The following ZBTB8OS variants were observed in gnomAD, a reference collection of about 807,000 sequenced individuals.
The protein encoded by ZBTB8OS is tRNA-splicing ligase-activating factor archease.
Under a neutral mutation model 29.3 loss-of-function variants are expected in ZBTB8OS, and 16 were observed. The observed-to-expected ratio is 0.55, with a 90% CI of 0.37 to 0.83. The LOEUF (loss-of-function observed/expected upper bound fraction) is 0.83, where lower values mean the gene tolerates loss of function less well. Among genes scored for constraint, ZBTB8OS ranks in the 40% least tolerant of loss-of-function variants. The probability of loss-of-function intolerance (pLI) is 0.00; values close to 1 mark genes in which losing one functional copy is unlikely to be tolerated. For synonymous variants in ZBTB8OS, 70 were observed against 64.6 expected, an observed-to-expected ratio of 1.08 and a Z score of -0.40; for missense variants, 160 against 196.9, an observed-to-expected ratio of 0.81 and a Z score of 1.12.
intron 1 of ZBTB8OS, among the ~76,000 whole-genome samples, chr1:32,645,301 C>G (rs1646750878): frequency 6.6e-6 from 1 of 152,168 alleles, no homozygotes; most frequent in Non-Finnish European, 1.5e-5. Context: ...ATTTCAAGAT[C>G]AGCCTAGGCA....
At chr1:32,638,054 C>T (rs1198354818) in intron 1 of ZBTB8OS, among the ~76,000 whole-genome samples, 1 of 151,818 alleles carries the variant, frequency 6.6e-6, no homozygotes, top group Non-Finnish European at 1.5e-5. Context: ...CCAGGCAGGT[C>T]TCAAACGTCT....
At chr1:32,650,856 G>A (rs1647453438), upstream of ZBTB8OS, 4 of 489,368 alleles carry the variant, frequency 8.2e-6, no homozygotes, top group Non-Finnish European at 1.5e-5. Flanking sequence ...TTGATAACTA[G>A]ACCCGAAGGC....
At chr1:32,629,590 T>A (rs1645381660) in intron 5 of ZBTB8OS, among the ~76,000 whole-genome samples, 1 of 152,264 alleles carries the variant, frequency 6.6e-6, no homozygotes, top group East Asian at 1.9e-4. Flanking sequence ...GATCTGTATA[T>A]AGAAGGCCCT....
chr1:32,646,950 G>A (rs1276578098), intron 1 of ZBTB8OS, among the ~76,000 whole-genome samples: 7 of 136,432 alleles, frequency 5.1e-5, no homozygotes, highest in Admixed American at 4.8e-4. Context: ...GCTGAGGCAA[G>A]AGAATCACTT....
Position 32,650,541 on chromosome 1 carries a change from T to A in ZBTB8OS, c.-12A>T. On this transcript the variant is annotated 5_prime_UTR_variant, in exon 1 of 7. Transcript: ENST00000468695. ...TCTTCCTGCGCCATGACTGCAGGATTAGACACTCTACTTCCGCCCTTCATC... is the reference window on the plus strand; with the variant it reads ...TCTTCCTGCGCCATGACTGCAGGATAAGACACTCTACTTCCGCCCTTCATC... 6.2e-7 allele frequency: 1 copy of A among 1,614,144 alleles called. No individual in the cohort carries two copies. Among genetic ancestry groups the A allele is most frequent in the Non-Finnish European group, 8.5e-7 (1 of 1,180,014 alleles).
At chr1:32,641,617 A>G (rs1412235708) in intron 1 of ZBTB8OS, among the ~76,000 whole-genome samples, 38 of 147,772 alleles carry the variant, frequency 2.6e-4, no homozygotes, top group Admixed American at 1.3e-3. Flanking sequence ...ACATGCCACA[A>G]AAGTACTTTA....
Position 32,650,536 on chromosome 1 carries a change from A to T in ZBTB8OS, c.-7T>A, listed in dbSNP as rs370292778. 7 of 1,614,136 alleles carry T rather than the reference A, an allele frequency of 4.3e-6. No individual in the cohort carries two copies. Among genetic ancestry groups the T allele is most frequent in the Non-Finnish European group, 5.9e-6 (7 of 1,180,022 alleles). ...CTTCCTCTTCCTGCGCCATGACTGC[A>T]GGATTAGACACTCTACTTCCGCCCT... On this transcript the variant is annotated 5_prime_UTR_variant, in exon 1 of 7. Coordinates refer to ENST00000468695, the MANE Select transcript of ZBTB8OS (RefSeq NM_178547.5).
intron 1 of ZBTB8OS, among the ~76,000 whole-genome samples, chr1:32,636,076 C>G (rs899445311): frequency 6.6e-6 from 1 of 152,182 alleles, no homozygotes; most frequent in Admixed American, 6.6e-5. Flanking sequence ...ACCACCCAGA[C>G]TCGTTATCTG....
intron 6 of ZBTB8OS, among the ~76,000 whole-genome samples, chr1:32,625,152 G>A (rs546052633): frequency 4.0e-5 from 6 of 151,784 alleles, no homozygotes; most frequent in Non-Finnish European, 8.8e-5. Context: ...GAACCTGGGA[G>A]GGGGAGGTTG....
chr1:32,625,534 AAAAACAAAACAAAAC>A lies in ZBTB8OS; in HGVS notation c.417+1959_417+1973del, dbSNP rs146908676. On this transcript the variant is annotated intron_variant, in intron 6 of 6. Transcript: ENST00000468695. ...GGGCAATAGCATGAGACTCCGTCTCAAAAACAAAACAAAACAAAACAAAACAAAACAAAACAAAAA... is the reference window on the plus strand; with the variant it reads ...GGGCAATAGCATGAGACTCCGTCTCAAAAACAAAACAAAACAAAACAAAAA... Among the ~76,000 whole-genome samples, 410 of 151,210 alleles carry A rather than the reference AAAAACAAAACAAAAC, an allele frequency of 2.7e-3. 2 individuals are homozygous for A. The highest frequency in any genetic ancestry group is 8.4e-3 in the African/African-American group (345 of 40,970).
At chr1:32,642,958 A>G (rs796077255) in intron 1 of ZBTB8OS, among the ~76,000 whole-genome samples, 96 of 147,332 alleles carry the variant, frequency 6.5e-4, no homozygotes, top group African/African-American at 2.2e-3. Flanking sequence ...TTTAGTAGAG[A>G]CAGAGTTTCA....
rs1170547363 is a variant in ZBTB8OS, at chr1:32,634,143, T to G, written c.123-71A>C. The G allele has an allele frequency of 3.1e-6, 4 of 1,306,250 alleles. No individual in the cohort carries two copies. The African/African-American group carries it at 6.1e-5, about 20-fold the overall frequency. The allele number at this position is 1,306,250 out of a possible 1,614,324, so 80.9% of individuals were successfully genotyped here. A position where few individuals can be genotyped will look rare whatever the true frequency, so the allele number is the denominator to read the frequency against. On this transcript the variant is annotated intron_variant, in intron 2 of 6. Coordinates refer to ENST00000468695, the MANE Select transcript of ZBTB8OS (RefSeq NM_178547.5). Reference sequence around the variant, plus strand: ...AAAGAAAATTTGATAGCAGGCAAAGTCAAAATAAATTCAGTATGATAAATA... The same window carrying G: ...AAAGAAAATTTGATAGCAGGCAAAGGCAAAATAAATTCAGTATGATAAATA...
At chr1:32,641,493 G>A (rs1237733553) in intron 1 of ZBTB8OS, among the ~76,000 whole-genome samples, 2 of 149,536 alleles carry the variant, frequency 1.3e-5, no homozygotes, top group South Asian at 2.1e-4. Flanking sequence ...GGCTGGTCTC[G>A]AACTCCCAAT....
chr1:32,630,907 G>A (rs1645500815), intron 5 of ZBTB8OS, among the ~76,000 whole-genome samples: 1 of 151,994 alleles, frequency 6.6e-6, no homozygotes, highest in Non-Finnish European at 1.5e-5. Context: ...CAGCTACTCG[G>A]GAGGCTGAGG....
chr1:32,649,824 C>G (rs1003430005), intron 1 of ZBTB8OS, among the ~76,000 whole-genome samples: 1 of 152,122 alleles, frequency 6.6e-6, no homozygotes, highest in African/African-American at 2.4e-5. Context: ...TCCACCACGC[C>G]CAGCTAATTT....
At position 32,620,872 on chromosome 1, in the gene ZBTB8OS, A is replaced by T. The variant is rs1644715612; in HGVS notation, c.*990T>A. Reference sequence around the variant, plus strand: ...TAGTTATAAACATGTACTCACTTTCAAATAAAATTCTATATTAGAAGGAAA... The same window carrying T: ...TAGTTATAAACATGTACTCACTTTCTAATAAAATTCTATATTAGAAGGAAA... On this transcript the variant is annotated 3_prime_UTR_variant, in exon 7 of 7. Coordinates refer to ENST00000468695, the MANE Select transcript of ZBTB8OS (RefSeq NM_178547.5). The T allele has an allele frequency of 6.6e-6, 1 of 152,226 alleles. No homozygotes were observed. Among genetic ancestry groups the T allele is most frequent in the East Asian group, 1.9e-4 (1 of 5,200 alleles). The allele number at this position is 152,226 out of a possible 1,614,324, so 9.4% of individuals were successfully genotyped here. A position where few individuals can be genotyped will look rare whatever the true frequency, so the allele number is the denominator to read the frequency against.
At chr1:32,644,035 C>T (rs1458888321) in intron 1 of ZBTB8OS, among the ~76,000 whole-genome samples, 2 of 151,542 alleles carry the variant, frequency 1.3e-5, no homozygotes, top group Admixed American at 1.3e-4. Context: ...GCTTGATTAA[C>T]TTTTATACCT....
intron 6 of ZBTB8OS, among the ~76,000 whole-genome samples, chr1:32,625,957 C>A (rs1008706384): frequency 2.0e-5 from 3 of 151,742 alleles, no homozygotes; most frequent in African/African-American, 4.8e-5. Flanking sequence ...ACTGCAACCT[C>A]TGCCTCCCAG....
chr1:32,649,668 A>ACACACAT (rs1491538426), intron 1 of ZBTB8OS, among the ~76,000 whole-genome samples: 1 of 31,130 alleles, frequency 3.2e-5, no homozygotes, highest in Admixed American at 2.5e-4. Context: ...ACACACACAC[A>ACACACAT]TTTTTTTTTT....
Sources: allele counts gnomAD v4.1 joint callset (sites outside exome capture counted in the v4.1 genomes callset), GRCh38; gene constraint gnomAD v4.1.1; transcripts MANE v1.5; gene names NCBI Gene and HGNC (gene_info 2026-07-23, HGNC 2026-07-21).